THSD7A: variants seen among roughly 807,000 people sequenced by gnomAD.
THSD7A encodes the protein thrombospondin type 1 domain containing 7A.
A neutral mutation model predicts 231.3 loss-of-function variants in THSD7A; 96 were observed. That is an observed-to-expected ratio of 0.41 (90% CI 0.35 to 0.49). The LOEUF is 0.49. THSD7A is among the 20% of genes least tolerant of loss of function. THSD7A has a pLI of 0.05. For synonymous variants in THSD7A, 940 were observed against 743.3 expected, an observed-to-expected ratio of 1.26 and a Z score of -4.30; for missense variants, 2,290 against 2,070.2, an observed-to-expected ratio of 1.11 and a Z score of -2.06.
At chr7:11,712,024 C>G (rs1780982590) in intron 1 of THSD7A, among the ~76,000 whole-genome samples, 1 of 150,980 alleles carries the variant, frequency 6.6e-6, no homozygotes, top group Non-Finnish European at 1.5e-5. Flanking sequence ...TTCCTCCCAG[C>G]TAAGAAGTCA....
At chr7:11,723,219 C>T (rs1044039154) in intron 1 of THSD7A, among the ~76,000 whole-genome samples, 2 of 151,106 alleles carry the variant, frequency 1.3e-5, no homozygotes, top group African/African-American at 4.9e-5. Context: ...AGCAAACTAT[C>T]GCAAGGACAA....
In THSD7A at chr7:11,417,605, TA is replaced by T; in HGVS notation, c.3384-3del. The T allele has an allele frequency of 6.3e-7, 1 of 1,595,422 alleles. No homozygotes were observed. The highest frequency in any genetic ancestry group is 8.5e-7 in the Non-Finnish European group (1 of 1,175,228). On this transcript the variant is annotated splice_polypyrimidine_tract_variant and splice_region_variant and intron_variant, in intron 16 of 27. Transcript: ENST00000423059. ...CCATCTGCTGTATTCTGCATGCATC[TA>T]GAAAAGAACATAAACATATTCTAGA...
intron 1 of THSD7A, among the ~76,000 whole-genome samples, chr7:11,752,158 C>T (rs961377143): frequency 6.6e-6 from 1 of 152,056 alleles, no homozygotes; most frequent in Non-Finnish European, 1.5e-5. Context: ...GCCTTGTTTA[C>T]TACATATAAA....
intron 1 of THSD7A, among the ~76,000 whole-genome samples, chr7:11,773,581 G>T (rs923160164): frequency 1.3e-5 from 2 of 152,158 alleles, no homozygotes; most frequent in East Asian, 3.9e-4. Flanking sequence ...TAATAATTAT[G>T]GTGGACAGTG....
At chr7:11,473,986 G>T (rs1786044813) in intron 8 of THSD7A, among the ~76,000 whole-genome samples, 2 of 152,062 alleles carry the variant, frequency 1.3e-5, no homozygotes, top group South Asian at 4.2e-4. Context: ...GGAGGTCATG[G>T]ATGACCTACA....
intron 1 of THSD7A, among the ~76,000 whole-genome samples, chr7:11,824,470 G>T (rs2128187980): frequency 6.6e-6 from 1 of 152,124 alleles, no homozygotes; most frequent in African/African-American, 2.4e-5. Flanking sequence ...GTAATAATGG[G>T]CAGAAGAAAA....
chr7:11,546,786 G>A (rs1283287382), intron 4 of THSD7A, among the ~76,000 whole-genome samples: 3 of 152,088 alleles, frequency 2.0e-5, no homozygotes, highest in Non-Finnish European at 2.9e-5. Context: ...TGAGATTCAG[G>A]AGAAAGTTGA....
At chr7:11,591,163 T>A (rs2128341146) in intron 3 of THSD7A, among the ~76,000 whole-genome samples, 1 of 151,686 alleles carries the variant, frequency 6.6e-6, no homozygotes, top group Admixed American at 6.6e-5. Context: ...AAGATTTTTT[T>A]TTTTTTTTTG....
At chr7:11,601,363 T>A (rs756109727) in intron 2 of THSD7A, among the ~76,000 whole-genome samples, 5 of 152,180 alleles carry the variant, frequency 3.3e-5, no homozygotes, top group Non-Finnish European at 5.9e-5. Context: ...TTATATTGTT[T>A]ATGATAAAAT....
At chr7:11,826,168 A>G (rs552623878) in intron 1 of THSD7A, among the ~76,000 whole-genome samples, 2 of 152,336 alleles carry the variant, frequency 1.3e-5, no homozygotes, top group South Asian at 4.1e-4. Context: ...ACTGTCAGTA[A>G]TAGTAATGTC....
chr7:11,526,314 T>G (rs930511385), intron 6 of THSD7A, among the ~76,000 whole-genome samples: 2 of 152,184 alleles, frequency 1.3e-5, no homozygotes, highest in East Asian at 3.9e-4. Flanking sequence ...TAAAATATAC[T>G]GACCTTCTTA....
Position 11,590,857 on chromosome 7 carries a change from A to G in THSD7A, c.1272-216T>C, listed in dbSNP as rs181792325. ...GTTAAATTTAGGGTGATCCTGTTTC[A>G]ATTGCAATTACTGGAAGTTACTTAT... is the stretch of plus-strand genomic sequence containing the variant. On this transcript the variant is annotated intron_variant, in intron 3 of 27. Coordinates refer to ENST00000423059, the MANE Select transcript of THSD7A (RefSeq NM_015204.3). This position sits in a 1 kb window ranked among gnomAD's most constrained non-coding sequence, Gnocchi z 4.4. Among the ~76,000 whole-genome samples the G allele has an allele frequency of 6.6e-5, 10 of 152,306 alleles. No individual in the cohort carries two copies. The highest frequency in any genetic ancestry group is 1.9e-4 in the African/African-American group (8 of 41,574).
chr7:11,371,508 T>A lies in THSD7A; in HGVS notation c.*4286A>T, dbSNP rs1782051502. The A allele has an allele frequency of 6.6e-6, 1 of 152,182 alleles. No individual in the cohort carries two copies. Among genetic ancestry groups the A allele is most frequent in the South Asian group, 2.1e-4 (1 of 4,832 alleles). The allele number at this position is 152,182 out of a possible 1,614,324, so 9.4% of individuals were successfully genotyped here. A position where few individuals can be genotyped will look rare whatever the true frequency, so the allele number is the denominator to read the frequency against. Reference sequence around the variant, plus strand: ...ATAGAAGAAGAACCCACACTTGAATTTGGTAATATATTTATAAACAGGAGA... The same window carrying A: ...ATAGAAGAAGAACCCACACTTGAATATGGTAATATATTTATAAACAGGAGA... On this transcript the variant is annotated 3_prime_UTR_variant, in exon 28 of 28. Coordinates refer to ENST00000423059, the MANE Select transcript of THSD7A (RefSeq NM_015204.3).
chr7:11,769,747 G>A (rs866346593), intron 1 of THSD7A, among the ~76,000 whole-genome samples: 1 of 151,902 alleles, frequency 6.6e-6, no homozygotes, highest in Non-Finnish European at 1.5e-5. Context: ...TTCAGTAAAC[G>A]TTTGCATTTT....
intron 1 of THSD7A, among the ~76,000 whole-genome samples, chr7:11,640,670 T>A (rs898568730): frequency 7.2e-5 from 11 of 152,160 alleles, no homozygotes; most frequent in Admixed American, 7.2e-4. Context: ...TACTAGAATA[T>A]TCTCTTGTCT....
chr7:11,737,546 G>A (rs117278895), intron 1 of THSD7A, among the ~76,000 whole-genome samples: 23 of 152,092 alleles, frequency 1.5e-4, no homozygotes, highest in Non-Finnish European at 2.8e-4. Context: ...CTGTGCAAAG[G>A]TGCCATTTTA....
chr7:11,737,725 A>G (rs1781965935), intron 1 of THSD7A, among the ~76,000 whole-genome samples: 1 of 152,048 alleles, frequency 6.6e-6, no homozygotes, highest in Non-Finnish European at 1.5e-5. Context: ...TTTTCTATGT[A>G]TAAATTAAAA....
At chr7:11,408,242 C>G (rs1421892611) in intron 19 of THSD7A, among the ~76,000 whole-genome samples, 1 of 152,100 alleles carries the variant, frequency 6.6e-6, no homozygotes, top group Non-Finnish European at 1.5e-5. Flanking sequence ...GGTGCGGTGG[C>G]TCATGCCTGT....
At chr7:11,625,440 T>C (rs1781445593) in intron 2 of THSD7A, among the ~76,000 whole-genome samples, 1 of 152,120 alleles carries the variant, frequency 6.6e-6, no homozygotes, top group African/African-American at 2.4e-5. Flanking sequence ...AACAAATTTT[T>C]CATCATCACA....
Sources: allele counts gnomAD v4.1 joint callset (sites outside exome capture counted in the v4.1 genomes callset), GRCh38; gene constraint gnomAD v4.1.1; non-coding constraint Gnocchi (gnomAD v3.1); transcripts MANE v1.5; gene names NCBI Gene and HGNC (gene_info 2026-07-23, HGNC 2026-07-21).